The following SNTB2 variants were observed in gnomAD, a reference collection of about 807,000 sequenced individuals.
SNTB2 encodes syntrophin beta 2.
Under a neutral mutation model 46.2 loss-of-function variants are expected in SNTB2, and 34 were observed. That is an observed-to-expected ratio of 0.74 (90% CI 0.56 to 0.98). SNTB2 has a LOEUF of 0.98. Ranked by LOEUF, SNTB2 falls within the 50% of genes least tolerant of loss-of-function variation. The probability of loss-of-function intolerance (pLI) is 0.00; values close to 1 mark genes in which losing one functional copy is unlikely to be tolerated. For missense variants in SNTB2, 603 were observed against 731.4 expected (o/e 0.82, Z 2.02); for synonymous variants, 290 against 312.6 (o/e 0.93, Z 0.76).
intron 1 of SNTB2, among the ~76,000 whole-genome samples, chr16:69,206,347 C>G (rs1964218903): frequency 6.6e-6 from 1 of 152,064 alleles, no homozygotes. Flanking sequence ...TTACTCTTCT[C>G]TCCAGTAGAT....
intron 1 of SNTB2, among the ~76,000 whole-genome samples, chr16:69,219,898 G>A (rs149176860): frequency 0.027 from 4,052 of 151,412 alleles, 72 homozygotes; most frequent in Non-Finnish European, 0.038. Context: ...TTATAGGCAC[G>A]TGCCACCACG....
chr16:69,234,702 ATT>A (rs199980967), intron 1 of SNTB2, among the ~76,000 whole-genome samples: 10 of 136,374 alleles, frequency 7.3e-5, no homozygotes, highest in African/African-American at 8.1e-5. Context: ...ACAACTTGGT[ATT>A]TTTTTTTTTT....
At chr16:69,208,506 GTA>G (rs1491230889) in intron 1 of SNTB2, among the ~76,000 whole-genome samples, 2 of 151,434 alleles carry the variant, frequency 1.3e-5, no homozygotes, top group Non-Finnish European at 2.9e-5. Flanking sequence ...CATTTGCTGT[GTA>G]TACCTGTAGT....
At chr16:69,270,489 G>A (rs952172374) in intron 4 of SNTB2, among the ~76,000 whole-genome samples, 3 of 152,168 alleles carry the variant, frequency 2.0e-5, no homozygotes, top group Non-Finnish European at 2.9e-5. Flanking sequence ...TTTATAATGA[G>A]CGTTTTTGTG....
intron 1 of SNTB2, among the ~76,000 whole-genome samples, chr16:69,189,762 C>A (rs34096150): frequency 0.27 from 41,517 of 152,084 alleles, 6,246 homozygotes; most frequent in African/African-American, 0.39. Flanking sequence ...AAACAAACAA[C>A]CAACCTACTT....
chr16:69,277,733 A>G (rs1466546265), intron 4 of SNTB2, among the ~76,000 whole-genome samples: 1 of 152,244 alleles, frequency 6.6e-6, no homozygotes, highest in Non-Finnish European at 1.5e-5. Context: ...TAGACATTAA[A>G]GAGATTTTAT....
chr16:69,198,202 G>A (rs1964124022), intron 1 of SNTB2, among the ~76,000 whole-genome samples: 1 of 151,104 alleles, frequency 6.6e-6, no homozygotes, highest in African/African-American at 2.4e-5. Context: ...TCCACCTCGC[G>A]GGTTCAAGCG....
chr16:69,245,334 C>G (rs1296438124), intron 1 of SNTB2, among the ~76,000 whole-genome samples: 3 of 152,110 alleles, frequency 2.0e-5, no homozygotes, highest in Non-Finnish European at 4.4e-5. Flanking sequence ...GTTGGGACTA[C>G]AGGCGCATGC....
intron 1 of SNTB2, among the ~76,000 whole-genome samples, chr16:69,205,140 T>C (rs1964201518): frequency 2.0e-5 from 3 of 151,504 alleles, no homozygotes; most frequent in African/African-American, 4.8e-5. Context: ...TCCTGGGAAA[T>C]ACTTTGTTAA....
rs113791578 is a variant in SNTB2, at chr16:69,290,515, A to C, written c.1345+6271A>C. Among the ~76,000 whole-genome samples the C allele has an allele frequency of 2.7e-3, 417 of 152,342 alleles. 3 individuals are homozygous for C. Among genetic ancestry groups the C allele is most frequent in the South Asian group, 4.8e-3 (23 of 4,834 alleles). ...GGCATTTACAAGGATTTATATTGTT[A>C]AAATATATGAAGAAAGAGTTTTCTG... is the stretch of plus-strand genomic sequence containing the variant. On this transcript the variant is annotated intron_variant, in intron 5 of 6. Transcript: ENST00000336278.
chr16:69,287,471 G>A (rs1475122733), intron 5 of SNTB2, among the ~76,000 whole-genome samples: 6 of 152,062 alleles, frequency 3.9e-5, no homozygotes, highest in African/African-American at 7.2e-5. Flanking sequence ...TCAGGAGGCC[G>A]AGGCATGAGA....
At position 69,193,318 on chromosome 16, in the gene SNTB2, C is replaced by CTTTTTT; in HGVS notation, c.580+5595_580+5600dup. Among the ~76,000 whole-genome samples the CTTTTTT allele has an allele frequency of 2.3e-4, 16 of 70,194 alleles. 5 individuals are homozygous for CTTTTTT. Among genetic ancestry groups the CTTTTTT allele is most frequent in the African/African-American group, 4.4e-4 (7 of 15,972 alleles). 46.0% of individuals were successfully genotyped at this position (70,194 alleles called of 152,430 possible). A position where few individuals can be genotyped will look rare whatever the true frequency, so the allele number is the denominator to read the frequency against. On this transcript the variant is annotated intron_variant, in intron 1 of 6. Coordinates refer to ENST00000336278, the MANE Select transcript of SNTB2 (RefSeq NM_006750.4). The stretch of plus-strand genomic sequence containing the variant: ...TTGAAAGAGACTCAGATGGTATAGA[C>CTTTTTT]TTTTTTTTTTTTTTTTTTTTTTTTT...
intron 1 of SNTB2, among the ~76,000 whole-genome samples, chr16:69,228,698 A>G (rs752466740): frequency 6.6e-6 from 1 of 152,104 alleles, no homozygotes; most frequent in Non-Finnish European, 1.5e-5. Flanking sequence ...AATTATGTAC[A>G]TACACACTAA....
chr16:69,283,104 G>C (rs879633666), intron 4 of SNTB2, among the ~76,000 whole-genome samples: 14 of 152,094 alleles, frequency 9.2e-5, no homozygotes, highest in Admixed American at 9.2e-4. Flanking sequence ...CCACCATGCT[G>C]AGATTTTTTT....
rs76113003 is a variant in SNTB2, at chr16:69,270,651, C to T, written c.1148+366C>T. Among the ~76,000 whole-genome samples the T allele has an allele frequency of 3.9e-3, 594 of 152,254 alleles. 7 individuals are homozygous for T. The highest frequency in any genetic ancestry group is 0.014 in the African/African-American group (570 of 41,550). On this transcript the variant is annotated intron_variant, in intron 4 of 6. Coordinates refer to ENST00000336278, the MANE Select transcript of SNTB2 (RefSeq NM_006750.4). ...CAGCCTTTTGACTGAGTGACGAAAT[C>T]ATTTAAACCAGAATGTGGTACTGTG...
At chr16:69,282,434 C>A (rs1160783856) in intron 4 of SNTB2, among the ~76,000 whole-genome samples, 1 of 151,874 alleles carries the variant, frequency 6.6e-6, no homozygotes, top group African/African-American at 2.4e-5. Context: ...CTATTCTGTT[C>A]CATTGATCAA....
chr16:69,276,505 A>C (rs1390295516), intron 4 of SNTB2, among the ~76,000 whole-genome samples: 2 of 152,200 alleles, frequency 1.3e-5, no homozygotes, highest in African/African-American at 2.4e-5. Context: ...ATATGATAGA[A>C]TATCTATTGC....
At chr16:69,237,589 T>C (rs1964569866) in intron 1 of SNTB2, among the ~76,000 whole-genome samples, 2 of 130,378 alleles carry the variant, frequency 1.5e-5, no homozygotes, top group Admixed American at 7.6e-5. Context: ...TTTTTTTTCT[T>C]TCTTTCTTTC....
At chr16:69,190,350 G>GT (rs1426495674) in intron 1 of SNTB2, among the ~76,000 whole-genome samples, 1 of 152,168 alleles carries the variant, frequency 6.6e-6, no homozygotes, top group Non-Finnish European at 1.5e-5. Flanking sequence ...GTTGCCTGTG[G>GT]TTAAGGAATT....
Sources: allele counts gnomAD v4.1 joint callset (sites outside exome capture counted in the v4.1 genomes callset), GRCh38; gene constraint gnomAD v4.1.1; transcripts MANE v1.5; gene names NCBI Gene and HGNC (gene_info 2026-07-23, HGNC 2026-07-21).